The following FAT1 variants were observed in gnomAD, a reference collection of about 807,000 sequenced individuals.
FAT1 encodes the protein protocadherin Fat 1.
FAT1 carries 171 observed loss-of-function variants against 329.8 expected under a neutral mutation model. That is an observed-to-expected ratio of 0.52 (90% CI 0.46 to 0.59). The LOEUF (loss-of-function observed/expected upper bound fraction) is 0.59. Among genes scored for constraint, FAT1 ranks in the 20% least tolerant of loss-of-function variants. FAT1 has a pLI of 0.00. For synonymous variants in FAT1, 2,233 were observed against 2,228.6 expected (o/e 1.00, Z -0.06); for missense variants, 5,672 against 5,774.4 (o/e 0.98, Z 0.57).
In FAT1 at chr4:186,620,344, A is replaced by T. The variant is rs1170738710; in HGVS notation, c.6242T>A (p.Phe2081Tyr). The T allele has an allele frequency of 6.2e-7, 1 of 1,613,984 alleles. No homozygotes were observed. Among genetic ancestry groups the T allele is most frequent in the East Asian group, 2.2e-5 (1 of 44,878 alleles). The change falls in exon 10 of 27, where the codon TTT becomes TAT. Residue 2081 changes from phenylalanine (F) to tyrosine (Y), a missense_variant. Physicochemically the swap from Phe to Tyr is conservative, Grantham distance 22. This residue lies in a region of FAT1 where 3,966 missense variants were observed against 3,915.2 expected (regional missense o/e 1.01). Coordinates refer to ENST00000441802, the MANE Select transcript of FAT1 (RefSeq NM_005245.4). ...AACGGCGTAGTAGGGAAGGTTGACA[A>T]ACACCGGCGCATTATCATTTTGGTC... ...VEDQNDNAPV[F>Y]VNLPYYAVVK... is the part of the protein sequence containing the mutation.
chr4:186,672,877 G>C (rs1000205874), intron 2 of FAT1, among the ~76,000 whole-genome samples: 1 of 152,198 alleles, frequency 6.6e-6, no homozygotes, highest in African/African-American at 2.4e-5. Context: ...GTTGTGACTT[G>C]AATGCAATCC....
chr4:186,599,830 C>T (rs1738709524), intron 22 of FAT1, 68 bp downstream of exon 22: 2 of 1,211,844 alleles, frequency 1.7e-6, no homozygotes, highest in African/African-American at 1.5e-5. Context: ...TAAAAAAATA[C>T]CTGGGGAGCT....
Position 186,709,766 on chromosome 4 carries a change from C to G in FAT1, c.62G>C (p.Ser21Thr), listed in dbSNP as rs1744863893. Reference protein sequence around the residue: ...LLLLFQHFGDSDGSQRLEQTP... With the variant: ...LLLLFQHFGDTDGSQRLEQTP... The stretch of plus-strand genomic sequence containing the variant: ...CTGTTCAAGTCGTTGGCTGCCATCA[C>G]TGTCTCCAAAATGTTGGAAGAGAAG... Residue 21 changes from serine to threonine, a missense_variant, in exon 2 of 27, where the codon AGT (serine) becomes ACT (threonine). Ser to Thr is a moderately conservative substitution (Grantham distance 58). Transcript: ENST00000441802. 6.2e-7 allele frequency: 1 copy of G among 1,612,974 alleles called. No homozygotes were observed. The highest frequency in any genetic ancestry group is 1.3e-5 in the African/African-American group (1 of 75,044).
chr4:186,643,118 A>C (rs1407588179), intron 3 of FAT1, among the ~76,000 whole-genome samples: 2 of 152,194 alleles, frequency 1.3e-5, no homozygotes, highest in Non-Finnish European at 2.9e-5. Context: ...AATTCAGTAA[A>C]GTTTACACTT....
intron 3 of FAT1, among the ~76,000 whole-genome samples, chr4:186,644,136 A>G (rs1367481102): frequency 1.3e-5 from 2 of 152,146 alleles, no homozygotes; most frequent in Non-Finnish European, 2.9e-5. Flanking sequence ...GGCTCAGATG[A>G]GCGTTTTTTT....
At chr4:186,695,032 A>G (rs1172570034) in intron 2 of FAT1, among the ~76,000 whole-genome samples, 1 of 152,212 alleles carries the variant, frequency 6.6e-6, no homozygotes, top group Non-Finnish European at 1.5e-5. Flanking sequence ...GCTCAATTTA[A>G]TCCAGAAAAC....
intron 3 of FAT1, among the ~76,000 whole-genome samples, chr4:186,641,922 G>A (rs562052767): frequency 2.0e-5 from 3 of 151,982 alleles, no homozygotes; most frequent in African/African-American, 7.2e-5. Flanking sequence ...CAGAAGAAAA[G>A]CTTGAACCTG....
chr4:186,621,076 T>A lies in FAT1; in HGVS notation c.5510A>T (p.Tyr1837Phe), dbSNP rs375087017. The A allele has an allele frequency of 6.2e-7, 1 of 1,613,514 alleles. No homozygotes were observed. Among genetic ancestry groups the A allele is most frequent in the Non-Finnish European group, 8.5e-7 (1 of 1,179,892 alleles). ...AAAGTGAAAAATACTTGTTTCTTCATAGTCCAGACTTAGTACTGTATGAAT... is the reference window on the plus strand; with the variant it reads ...AAAGTGAAAAATACTTGTTTCTTCAAAGTCCAGACTTAGTACTGTATGAAT... The part of the protein sequence containing the change: ...GAIHTVLSLD[Y>F]EETSIFHFTV... Residue 1837 changes from tyrosine (Y) to phenylalanine (F), a missense_variant, in exon 10 of 27, where the codon TAT (tyrosine) becomes TTT (phenylalanine). Coordinates refer to ENST00000441802, the MANE Select transcript of FAT1 (RefSeq NM_005245.4).
chr4:186,610,640 ATATAAT>A (rs1739377008), intron 14 of FAT1, among the ~76,000 whole-genome samples: 3 of 123,544 alleles, frequency 2.4e-5, no homozygotes, highest in African/African-American at 8.8e-5. Context: ...TATATAATTT[ATATAAT>A]TTATATAAAT....
At position 186,596,934 on chromosome 4, in the gene FAT1, G is replaced by A. The variant is rs753311624; in HGVS notation, c.12606C>T (p.Cys4202=). The A allele has an allele frequency of 6.2e-7, 1 of 1,613,806 alleles. No homozygotes were observed. Among genetic ancestry groups the A allele is most frequent in the Non-Finnish European group, 8.5e-7 (1 of 1,179,904 alleles). ...TCTTTTTCCGACTAATCATCTTACG[G>A]CAGAGAACAAACACCACCACCAGTA... ...IFLLVVVFVL[C]RKMISRKKKH... The change falls in exon 25 of 27, where the codon TGC becomes TGT. Residue 4202 remains cysteine (C), a synonymous_variant. Coordinates refer to ENST00000441802, the MANE Select transcript of FAT1 (RefSeq NM_005245.4). This position sits in a 1 kb window ranked among gnomAD's most constrained non-coding sequence, Gnocchi z 4.7.
intron 2 of FAT1, among the ~76,000 whole-genome samples, chr4:186,678,250 C>T (rs1308618031): frequency 2.0e-5 from 3 of 151,968 alleles, no homozygotes; most frequent in African/African-American, 7.2e-5. Context: ...CATTATAACA[C>T]ACTAGTTGTA....
intron 17 of FAT1, among the ~76,000 whole-genome samples, chr4:186,605,230 A>G (rs1213237798): frequency 6.9e-6 from 1 of 145,346 alleles, no homozygotes; most frequent in African/African-American, 2.7e-5. Context: ...AAAAAAAAAA[A>G]AAAAAGAGGA....
rs192907984 is a variant in FAT1 at position 186,609,153 on chromosome 4, A to G, written c.10206+30T>C. Reference sequence around the variant, plus strand: ...TCTAGTTATTGATGTGGTGATTTGTAAACAACGTAAATCAACCTTTTTCAC... The same window carrying G: ...TCTAGTTATTGATGTGGTGATTTGTGAACAACGTAAATCAACCTTTTTCAC... On this transcript the variant is annotated intron_variant, in intron 16 of 26. Transcript: ENST00000441802. 1.9e-5 allele frequency: 31 copies of G among 1,605,994 alleles called. No individual in the cohort carries two copies. In the African/African-American group the frequency reaches 4.0e-4, roughly 21 times the overall value.
In FAT1 at chr4:186,618,913, G is replaced by T. The variant is rs2126500310; in HGVS notation, c.7673C>A (p.Thr2558Asn). ...GACTGAGATCACTTTCTCCGCCGGG[G>T]TTTCTCGATCAAGTTTTTCCAAAGT... is the stretch of plus-strand genomic sequence containing the variant. ...IFTLEKLDRE[T>N]PAEKVISVRL... Residue 2558 changes from threonine (T) to asparagine (N), a missense_variant, in exon 10 of 27, where the codon ACC (threonine) becomes AAC (asparagine). Around this residue, in one of 2 missense-constraint regions of FAT1, gnomAD observed 3,966 missense variants for 3,915.2 expected, o/e 1.01. Transcript: ENST00000441802. 6.2e-7 allele frequency: 1 copy of T among 1,613,916 alleles called. No homozygotes were observed. The highest frequency in any genetic ancestry group is 8.5e-7 in the Non-Finnish European group (1 of 1,179,882).
intron 2 of FAT1, among the ~76,000 whole-genome samples, chr4:186,701,430 G>C (rs1335325657): frequency 6.6e-6 from 1 of 152,194 alleles, no homozygotes; most frequent in Non-Finnish European, 1.5e-5. Flanking sequence ...AGAACATAAA[G>C]AGCCAAGAGG....
At chr4:186,613,435 A>C (rs1388813767) in intron 12 of FAT1, 93 bp from the exon 13 acceptor site, 4 of 930,588 alleles carry the variant, frequency 4.3e-6, no homozygotes, top group Non-Finnish European at 6.8e-6. Context: ...TCAATTACTT[A>C]GTCTGAGTAT....
intron 1 of FAT1, among the ~76,000 whole-genome samples, chr4:186,712,937 C>T (rs1016022972): frequency 3.8e-5 from 4 of 105,184 alleles, no homozygotes; most frequent in Non-Finnish European, 7.6e-5. Flanking sequence ...TGAGGGACAG[C>T]GGTAAGGCCG....
At chr4:186,666,799 GTGATGCTATT>G (rs1742459669) in intron 2 of FAT1, among the ~76,000 whole-genome samples, 1 of 152,186 alleles carries the variant, frequency 6.6e-6, no homozygotes, top group Admixed American at 6.5e-5. Context: ...GCCTAGATAT[GTGATGCTATT>G]AACTCCATTT....
intron 2 of FAT1, among the ~76,000 whole-genome samples, chr4:186,672,061 T>G (rs568856732): frequency 6.6e-6 from 1 of 152,164 alleles, no homozygotes; most frequent in African/African-American, 2.4e-5. Context: ...TTATAAGATA[T>G]TACTATTTAC....
Sources: allele counts gnomAD v4.1 joint callset (sites outside exome capture counted in the v4.1 genomes callset), GRCh38; gene constraint gnomAD v4.1.1; regional missense constraint gnomAD v4.1.1; non-coding constraint Gnocchi (gnomAD v3.1); transcripts MANE v1.5; gene names NCBI Gene and HGNC (gene_info 2026-07-23, HGNC 2026-07-21).